Variants in CDK14 observed in about 807,000 individuals in gnomAD.
CDK14 encodes the protein cyclin-dependent kinase 14.
In CDK14, 34 loss-of-function variants were observed where a neutral mutation model predicts 60.7. The observed-to-expected ratio is 0.56, with a 90% CI of 0.43 to 0.75. The LOEUF is 0.75. CDK14 is among the 30% of genes least tolerant of loss of function. The pLI is 0.00. For missense variants in CDK14, 482 were observed against 564.1 expected (o/e 0.85, Z 1.47); for synonymous variants, 197 against 203.7 (o/e 0.97, Z 0.28).
chr7:90,899,936 A>G (rs1792448567), intron 7 of CDK14, among the ~76,000 whole-genome samples: 1 of 152,168 alleles, frequency 6.6e-6, no homozygotes, highest in Non-Finnish European at 1.5e-5. Context: ...ATAGAATTAG[A>G]AGAGATCAAA....
At chr7:90,931,067 A>G (rs1793578165) in intron 8 of CDK14, among the ~76,000 whole-genome samples, 1 of 152,210 alleles carries the variant, frequency 6.6e-6, no homozygotes, top group African/African-American at 2.4e-5. Flanking sequence ...TAGGTATATT[A>G]CAGATAAGTA....
At chr7:90,885,313 A>G (rs1791907236) in intron 6 of CDK14, among the ~76,000 whole-genome samples, 1 of 152,236 alleles carries the variant, frequency 6.6e-6, no homozygotes, top group Non-Finnish European at 1.5e-5. Flanking sequence ...TACACGACCA[A>G]CAAACATGAA....
intron 2 of CDK14, among the ~76,000 whole-genome samples, chr7:90,711,641 C>T (rs1802062515): frequency 6.6e-6 from 1 of 151,972 alleles, no homozygotes; most frequent in Admixed American, 6.6e-5. Flanking sequence ...ATTGTAAGAC[C>T]TGCTGTAAAG....
chr7:90,656,781 G>T (rs1008898248), intron 2 of CDK14, among the ~76,000 whole-genome samples: 2 of 152,224 alleles, frequency 1.3e-5, no homozygotes, highest in East Asian at 1.9e-4. Flanking sequence ...AGAGCATCTT[G>T]TGTGACAATA....
In CDK14 at chr7:91,208,791, C is replaced by G. The variant is rs10274344; in HGVS notation, c.*1655C>G. 11,692 of 152,600 alleles carry G rather than the reference C, an allele frequency of 0.077. 668 individuals carry two copies. The highest frequency in any genetic ancestry group is 0.16 in the African/African-American group (6,551 of 41,494). 9.5% of individuals were successfully genotyped at this position (152,600 alleles called of 1,614,324 possible). A position where few individuals can be genotyped will look rare whatever the true frequency, so the allele number is the denominator to read the frequency against. On this transcript the variant is annotated 3_prime_UTR_variant, in exon 15 of 15. Coordinates refer to ENST00000380050, the MANE Select transcript of CDK14 (RefSeq NM_001287135.2). The stretch of plus-strand genomic sequence containing the variant: ...CGGAGTGGAGTATGGATGGTTATGT[C>G]AAAGTCATAGTTCATCCTATCCAGA...
chr7:90,649,390 CTTCCTTCTTTCTTTCT>C (rs1800569261), intron 2 of CDK14, among the ~76,000 whole-genome samples: 5 of 41,806 alleles, frequency 1.2e-4, no homozygotes, highest in African/African-American at 3.9e-4. Context: ...TCCTTCCTTC[CTTCCTTCTTTCTTTCT>C]TTCTTTCTTT....
At chr7:90,980,916 A>G (rs1795210588) in intron 9 of CDK14, among the ~76,000 whole-genome samples, 1 of 152,186 alleles carries the variant, frequency 6.6e-6, no homozygotes, top group Non-Finnish European at 1.5e-5. Context: ...GTAGTGCTAA[A>G]ATAAATTCTA....
intron 2 of CDK14, among the ~76,000 whole-genome samples, chr7:90,672,645 G>T (rs1358813585): frequency 6.7e-6 from 1 of 150,112 alleles, no homozygotes; most frequent in African/African-American, 2.5e-5. Flanking sequence ...TCACCGTCCT[G>T]AGTAGCTTGG....
At chr7:90,893,944 C>A (rs1376118926) in intron 6 of CDK14, among the ~76,000 whole-genome samples, 1 of 152,118 alleles carries the variant, frequency 6.6e-6, no homozygotes, top group Non-Finnish European at 1.5e-5. Context: ...ATGGGAATGT[C>A]TGGGCATGCA....
At chr7:90,950,203 A>C (rs10223932) in intron 8 of CDK14, among the ~76,000 whole-genome samples, 28,121 of 152,036 alleles carry the variant, frequency 0.18, 2,659 homozygotes, top group South Asian at 0.27. Flanking sequence ...CAGCCTCTCG[A>C]GTACCTGGGA....
At chr7:90,726,258 G>A (rs1802628611) in intron 2 of CDK14, 1 of 971,786 alleles carries the variant, frequency 1.0e-6, no homozygotes, top group Non-Finnish European at 1.2e-6. Context: ...ACCACTTCCA[G>A]TCAGATGGTA....
intron 12 of CDK14, among the ~76,000 whole-genome samples, chr7:91,091,346 T>C (rs1193703970): frequency 6.9e-6 from 1 of 145,126 alleles, no homozygotes; most frequent in Non-Finnish European, 1.5e-5. Flanking sequence ...TACATATATG[T>C]GTATATAAAT....
At chr7:90,871,759 G>A (rs976973441) in intron 6 of CDK14, among the ~76,000 whole-genome samples, 3 of 152,148 alleles carry the variant, frequency 2.0e-5, no homozygotes, top group Non-Finnish European at 4.4e-5. Context: ...TAGATGTAAG[G>A]TCCCTTCATT....
At chr7:90,664,253 C>T (rs896959093) in intron 2 of CDK14, among the ~76,000 whole-genome samples, 3 of 152,184 alleles carry the variant, frequency 2.0e-5, no homozygotes, top group African/African-American at 4.8e-5. Context: ...CATCTCACAC[C>T]AGTTAGAAAG....
intron 5 of CDK14, among the ~76,000 whole-genome samples, chr7:90,799,688 C>A (rs1788561534): frequency 1.8e-5 from 1 of 54,644 alleles, no homozygotes; most frequent in African/African-American, 8.6e-5. Flanking sequence ...GAAACTCCAT[C>A]TCAAAAAAAA....
In CDK14 at chr7:90,692,945, A is replaced by AG. The variant is rs546802643; in HGVS notation, c.124-33622_124-33621insG. ...CATTTCTTCCATCAAGTAAAAAAAAAAAAAATTCTCCCTGGAGTAAAGCTT... is the reference window on the plus strand; with the variant it reads ...CATTTCTTCCATCAAGTAAAAAAAAAGAAAAATTCTCCCTGGAGTAAAGCTT... On this transcript the variant is annotated intron_variant, in intron 2 of 14. Coordinates refer to ENST00000380050, the MANE Select transcript of CDK14 (RefSeq NM_001287135.2). Among the ~76,000 whole-genome samples the AG allele has an allele frequency of 5.7e-4, 86 of 152,174 alleles. 1 individual carries two copies. Among genetic ancestry groups the AG allele is most frequent in the Non-Finnish European group, 9.3e-4 (63 of 68,010 alleles).
intron 8 of CDK14, among the ~76,000 whole-genome samples, chr7:90,936,966 C>T (rs1449622077): frequency 6.6e-6 from 1 of 151,914 alleles, no homozygotes; most frequent in Non-Finnish European, 1.5e-5. Flanking sequence ...GTAGTCCTAG[C>T]TATTTGGGAG....
chr7:90,606,928 T>G (rs772703522), intron 2 of CDK14, among the ~76,000 whole-genome samples: 1 of 152,194 alleles, frequency 6.6e-6, no homozygotes, highest in Non-Finnish European at 1.5e-5. Context: ...ATCTTCAAGT[T>G]GCCTCTTAGC....
chr7:90,641,407 C>T (rs895421078), intron 2 of CDK14, among the ~76,000 whole-genome samples: 17 of 152,000 alleles, frequency 1.1e-4, no homozygotes, highest in African/African-American at 4.1e-4. Context: ...GGATAAAGTG[C>T]AGCATATCTA....
Sources: gnomAD v4.1 joint callset for allele counts (sites outside exome capture counted in the v4.1 genomes callset) on GRCh38, gnomAD v4.1.1 for gene constraint, MANE v1.5 for transcripts, NCBI Gene and HGNC (gene_info 2026-07-23, HGNC 2026-07-21) for gene names.